Variants in CAST observed in about 807,000 individuals in gnomAD.
CAST encodes calpastatin.
In CAST, 76 loss-of-function variants were observed where a neutral mutation model predicts 119.6. That is an observed-to-expected ratio of 0.64 (90% CI 0.53 to 0.77). The LOEUF is 0.77. Ranked by LOEUF, CAST falls within the 30% of genes least tolerant of loss-of-function variation. The probability of loss-of-function intolerance (pLI) is 0.00; values close to 1 mark genes in which losing one functional copy is unlikely to be tolerated. For missense variants in CAST, 953 were observed against 946.5 expected (o/e 1.01, Z -0.09); for synonymous variants, 319 against 331.6 (o/e 0.96, Z 0.41).
upstream of CAST, chr5:96,662,324 C>CCAG: frequency 2.0e-6 from 1 of 505,724 alleles, no homozygotes; most frequent in Non-Finnish European, 2.9e-6. Context: ...CCCTCCGCTC[C>CCAG]CTCCCTCCCT....
At chr5:96,688,028 T>C (rs1752277228) in intron 2 of CAST, among the ~76,000 whole-genome samples, 1 of 152,238 alleles carries the variant, frequency 6.6e-6, no homozygotes, top group Non-Finnish European at 1.5e-5. Context: ...TCTGCCTGCA[T>C]GTTAACCATA....
chr5:96,741,186 C>T, intron 13 of CAST, 80 bp from the exon 14 acceptor site: 2 of 786,536 alleles, frequency 2.5e-6, no homozygotes, highest in South Asian at 3.0e-5. Context: ...AAAGTGCATT[C>T]TTCATTTGCT....
chr5:96,344,649 T>C, the CAST span, among the ~76,000 whole-genome samples: 1 of 152,174 alleles, frequency 6.6e-6, no homozygotes. Flanking sequence ...TTCATTTATT[T>C]TTGCTTAAGT....
At chr5:96,095,713 T>C in the CAST span, among the ~76,000 whole-genome samples, 1 of 152,106 alleles carries the variant, frequency 6.6e-6, no homozygotes, top group African/African-American at 2.4e-5. Flanking sequence ...CTGAATATGA[T>C]AGAATCATCA....
chr5:96,168,842 A>G, the CAST span, among the ~76,000 whole-genome samples: 1 of 152,294 alleles, frequency 6.6e-6, no homozygotes, highest in Admixed American at 6.5e-5. Flanking sequence ...AGGAGCTGGG[A>G]AGCAAAAAGT....
chr5:96,562,034 C>T (rs1049181774), intron 1 of CAST, among the ~76,000 whole-genome samples: 16 of 150,834 alleles, frequency 1.1e-4, no homozygotes, highest in African/African-American at 1.5e-4. Context: ...CCTCGTGATC[C>T]GCCCGCCTCG....
chr5:96,258,210 G>A, the CAST span, among the ~76,000 whole-genome samples: 1 of 152,194 alleles, frequency 6.6e-6, no homozygotes, highest in Non-Finnish European at 1.5e-5. Flanking sequence ...CTTTCTGAGA[G>A]TGTAAGTGGG....
chr5:96,439,981 G>A, the CAST span, among the ~76,000 whole-genome samples: 1 of 152,082 alleles, frequency 6.6e-6, no homozygotes, highest in Non-Finnish European at 1.5e-5. Context: ...TACTAAAGCA[G>A]AAGTGGCCCA....
At chr5:96,667,752 C>T (rs564872738) in intron 1 of CAST, among the ~76,000 whole-genome samples, 2 of 152,134 alleles carry the variant, frequency 1.3e-5, no homozygotes, top group East Asian at 3.9e-4. Flanking sequence ...GGTTGGCTCA[C>T]GCCTGTAATC....
Position 96,564,806 on chromosome 5 carries a change from G to A in CAST, c.60+34926G>A, listed in dbSNP as rs557402858. ...TGTGCCTGTAGTCTCAACTACTCAGGAGCCTGAGGTGGGAGGATCACTTGA... is the reference window on the plus strand; with the variant it reads ...TGTGCCTGTAGTCTCAACTACTCAGAAGCCTGAGGTGGGAGGATCACTTGA... On this transcript the variant is annotated intron_variant, in intron 1 of 11. Coordinates refer to the CAST transcript ENST00000505143. Among the ~76,000 whole-genome samples, 4 of 152,294 alleles carry A rather than the reference G, an allele frequency of 2.6e-5. No individual in the cohort carries two copies. The East Asian group carries it at 5.8e-4, about 22-fold the overall frequency.
the CAST span, among the ~76,000 whole-genome samples, chr5:96,461,031 C>T: frequency 6.6e-6 from 1 of 152,104 alleles, no homozygotes; most frequent in African/African-American, 2.4e-5. Context: ...TCTCCATTGC[C>T]TCCTCCTCCA....
At chr5:96,071,809 G>T in the CAST span, among the ~76,000 whole-genome samples, 1 of 152,096 alleles carries the variant, frequency 6.6e-6, no homozygotes, top group Admixed American at 6.6e-5. Context: ...TTGATGCAGT[G>T]CTATGACTGG....
the CAST span, among the ~76,000 whole-genome samples, chr5:96,263,602 T>TAGAGAGAG: frequency 1.4e-4 from 20 of 145,952 alleles, no homozygotes; most frequent in African/African-American, 3.8e-4. Context: ...GATAGCAAAT[T>TAGAGAGAG]AGAGAGAGAG....
At chr5:96,617,350 A>C (rs1014443396) in intron 1 of CAST, among the ~76,000 whole-genome samples, 1 of 152,172 alleles carries the variant, frequency 6.6e-6, no homozygotes, top group Non-Finnish European at 1.5e-5. Context: ...ATTTGGGTAT[A>C]TTCAAATTGG....
At chr5:96,707,593 G>T (rs113509235) in intron 3 of CAST, among the ~76,000 whole-genome samples, 15,035 of 152,018 alleles carry the variant, frequency 0.099, 970 homozygotes, top group Middle Eastern at 0.17. Flanking sequence ...TGCCATGTTG[G>T]TCAGGATGGT....
At chr5:96,463,764 C>T in the CAST span, among the ~76,000 whole-genome samples, 1 of 152,044 alleles carries the variant, frequency 6.6e-6, no homozygotes, top group African/African-American at 2.4e-5. Context: ...GTCTCTGCTT[C>T]TGCTTCTTCT....
the CAST span, among the ~76,000 whole-genome samples, chr5:96,234,295 G>A: frequency 6.6e-6 from 1 of 152,220 alleles, no homozygotes; most frequent in African/African-American, 2.4e-5. Context: ...CTGGAAGGAA[G>A]TGTTCATGGA....
chr5:96,273,685 A>G, the CAST span, among the ~76,000 whole-genome samples: 1 of 152,178 alleles, frequency 6.6e-6, no homozygotes, highest in East Asian at 1.9e-4. Context: ...GTATGCAGAG[A>G]ATATTTTAAT....
chr5:96,450,119 G>A, the CAST span, among the ~76,000 whole-genome samples: 1 of 152,148 alleles, frequency 6.6e-6, no homozygotes, highest in Non-Finnish European at 1.5e-5. Flanking sequence ...GTTCATCACA[G>A]AGCTATTTAC....
Sources: allele counts gnomAD v4.1 joint callset (sites outside exome capture counted in the v4.1 genomes callset), GRCh38; gene constraint gnomAD v4.1.1; transcripts MANE v1.5; gene names NCBI Gene and HGNC (gene_info 2026-07-23, HGNC 2026-07-21).